RRM2: variants seen among roughly 807,000 people sequenced by gnomAD.
The protein encoded by RRM2 is ribonucleotide reductase regulatory subunit M2, also known as ribonucleoside-diphosphate reductase subunit M2.
A neutral mutation model predicts 45.9 loss-of-function variants in RRM2; 6 were observed. The observed-to-expected ratio is 0.13, with a 90% CI of 0.07 to 0.26. The LOEUF is 0.26. RRM2 is among the 10% of genes least tolerant of loss of function. The pLI, the probability that RRM2 is intolerant of heterozygous loss-of-function variation, is 1.00. For missense variants in RRM2, 343 were observed against 489.5 expected (o/e 0.70, Z 2.82); for synonymous variants, 177 against 173.0 (o/e 1.02, Z -0.18).
chr2:10,131,496 T>TGG (rs1662899639), downstream of RRM2: 1 of 152,216 alleles, frequency 6.6e-6, no homozygotes. Context: ...CCCAGCACTT[T>TGG]GGGAGACCAA....
At chr2:10,162,343 T>C (rs975336173) in intron 3 of RRM2, among the ~76,000 whole-genome samples, 1 of 152,146 alleles carries the variant, frequency 6.6e-6, no homozygotes, top group Admixed American at 6.5e-5. Context: ...TCTCGATGTG[T>C]GTGGGCGTGT....
chr2:10,150,073 G>A (rs1004151578), intron 3 of RRM2, among the ~76,000 whole-genome samples: 3 of 152,178 alleles, frequency 2.0e-5, no homozygotes, highest in African/African-American at 7.2e-5. Context: ...CAGCACTTTT[G>A]GAGGACGAGG....
rs1169754094 is a variant in RRM2 at position 10,142,149 on chromosome 2, G to C, written n.362-106G>C. 7.1e-6 allele frequency: 11 copies of C among 1,559,834 alleles called. No homozygotes were observed. The Admixed American group carries it at 1.2e-4, about 17-fold the overall frequency. On this transcript the variant is annotated intron_variant and non_coding_transcript_variant, in intron 2 of 3. Coordinates refer to the RRM2 transcript ENST00000381786. ...GGCCCTGTGGCAGGCGCGTCTGTGA[G>C]TGGTCAGAGCAGAGTGAGGGGTGGG...
intron 3 of RRM2, among the ~76,000 whole-genome samples, chr2:10,179,959 C>T: frequency 6.6e-6 from 1 of 152,196 alleles, no homozygotes. Context: ...AGCTCTAGAG[C>T]CACCTCCTCG....
At chr2:10,159,827 T>C (rs988879914) in intron 3 of RRM2, among the ~76,000 whole-genome samples, 10 of 152,204 alleles carry the variant, frequency 6.6e-5, no homozygotes, top group African/African-American at 2.4e-4. Context: ...GAAGGAGCCC[T>C]GGGAGCCTGC....
Position 10,129,531 on chromosome 2 carries a change from A to G in RRM2, c.*145A>G. On this transcript the variant is annotated 3_prime_UTR_variant, in exon 10 of 10. Transcript: ENST00000304567. The surrounding 1 kb of genome is among the most constrained non-coding windows in gnomAD (Gnocchi z 4.8). ...CTTTAAAACTGTGTAGCTACCTCAC[A>G]ACCAGTCCTGTCTGTTTATAGTGCT... The G allele has an allele frequency of 3.5e-6, 3 of 845,434 alleles. No homozygotes were observed. The South Asian group carries it at 5.2e-5, about 15-fold the overall frequency. 52.4% of individuals were successfully genotyped at this position (845,434 alleles called of 1,614,324 possible). A position where few individuals can be genotyped will look rare whatever the true frequency, so the allele number is the denominator to read the frequency against.
chr2:10,178,100 G>C (rs1445638943), intron 3 of RRM2, among the ~76,000 whole-genome samples: 1 of 149,408 alleles, frequency 6.7e-6, no homozygotes, highest in Non-Finnish European at 1.5e-5. Flanking sequence ...TTTTTTTTTC[G>C]TATTCGTAGT....
At chr2:10,186,451 G>A (rs554745555) in intron 3 of RRM2, among the ~76,000 whole-genome samples, 17 of 151,702 alleles carry the variant, frequency 1.1e-4, no homozygotes, top group African/African-American at 2.9e-4. Flanking sequence ...CACCGTGCCC[G>A]GCCAGCAGTG....
chr2:10,183,966 G>A (rs549662316), intron 3 of RRM2, among the ~76,000 whole-genome samples: 128 of 151,730 alleles, frequency 8.4e-4, no homozygotes, highest in African/African-American at 2.9e-3. Flanking sequence ...GATGGCAGGC[G>A]CCTGTAGTCC....
intron 7 of RRM2, 101 bp from the exon 8 acceptor site, chr2:10,128,747 A>C (rs1048499464): frequency 3.7e-6 from 3 of 814,200 alleles, no homozygotes; most frequent in Non-Finnish European, 6.2e-6. Context: ...ATGGCTGAGC[A>C]TGTTGGATAA....
chr2:10,181,182 A>G (rs745661393), intron 3 of RRM2, among the ~76,000 whole-genome samples: 1 of 152,218 alleles, frequency 6.6e-6, no homozygotes, highest in Non-Finnish European at 1.5e-5. Flanking sequence ...TTTAATTCTC[A>G]TAATAGCCAG....
chr2:10,123,569 C>T, intron 3 of RRM2, 39 bp downstream of exon 3: 3 of 1,581,160 alleles, frequency 1.9e-6, no homozygotes, highest in East Asian at 2.2e-5. Context: ...CAGGGGTGAC[C>T]GTCACGCCTC....
At chr2:10,199,564 A>G (rs533216777) in intron 3 of RRM2, among the ~76,000 whole-genome samples, 9 of 151,676 alleles carry the variant, frequency 5.9e-5, no homozygotes, top group Admixed American at 3.9e-4. Context: ...GGCGGATCAC[A>G]AGGTCAGGAG....
In RRM2 at chr2:10,161,444, C is replaced by T. The variant is rs540346807; in HGVS notation, n.482+19069C>T. Among the ~76,000 whole-genome samples, 46 of 152,316 alleles carry T rather than the reference C, an allele frequency of 3.0e-4. No individual in the cohort carries two copies. The South Asian group carries it at 6.4e-3, about 21-fold the overall frequency. On this transcript the variant is annotated intron_variant and non_coding_transcript_variant, in intron 3 of 3. Coordinates refer to the RRM2 transcript ENST00000381786. ...GATGTGTGTGTCATGACCTCCACCA[C>T]CCGCGTGCACGAGGGGCACAGCCTC...
intron 3 of RRM2, among the ~76,000 whole-genome samples, chr2:10,209,197 A>G (rs143270555): frequency 1.3e-5 from 2 of 151,606 alleles, no homozygotes; most frequent in African/African-American, 4.8e-5. Context: ...AGCTGGGATT[A>G]TAGACATGCA....
At chr2:10,147,560 G>A (rs1663214895) in intron 3 of RRM2, among the ~76,000 whole-genome samples, 2 of 152,106 alleles carry the variant, frequency 1.3e-5, no homozygotes, top group African/African-American at 2.4e-5. Context: ...CACCACGCCC[G>A]GCTAGAGATA....
At position 10,127,461 on chromosome 2, in the gene RRM2, G is replaced by C; in HGVS notation, c.798+241G>C. The C allele has an allele frequency of 2.5e-6, 1 of 401,896 alleles. No individual in the cohort carries two copies. The highest frequency in any genetic ancestry group is 2.0e-5 in the African/African-American group (1 of 49,048). The allele number at this position is 401,896 out of a possible 1,614,324, so 24.9% of individuals were successfully genotyped here. ...ATGTATTCCCCTATAGGCTTTGAAT[G>C]CATAAAACTACAAGTTCTTTGTTTT... On this transcript the variant is annotated intron_variant, in intron 7 of 9. Coordinates refer to ENST00000304567, the MANE Select transcript of RRM2 (RefSeq NM_001034.4). This position sits in a 1 kb window ranked among gnomAD's most constrained non-coding sequence, Gnocchi z 4.1.
chr2:10,204,153 G>A lies in RRM2; in HGVS notation n.483-6158G>A, dbSNP rs1362149604. Among the ~76,000 whole-genome samples the A allele has an allele frequency of 6.6e-6, 1 of 151,984 alleles. No homozygotes were observed. Among genetic ancestry groups the A allele is most frequent in the Non-Finnish European group, 1.5e-5 (1 of 68,028 alleles). On this transcript the variant is annotated intron_variant and non_coding_transcript_variant, in intron 3 of 3. Transcript: ENST00000381786. The surrounding 1 kb of genome is among the most constrained non-coding windows in gnomAD (Gnocchi z 4.0). Reference sequence around the variant, plus strand: ...CTACCATCATTGGGACAGAGCCCCTGTGCTTGAGACAAGCAGAAGATAGAC... The same window carrying A: ...CTACCATCATTGGGACAGAGCCCCTATGCTTGAGACAAGCAGAAGATAGAC...
downstream of RRM2, among the ~76,000 whole-genome samples, chr2:10,133,969 A>G (rs1413400559): frequency 2.0e-5 from 3 of 152,004 alleles, no homozygotes; most frequent in Middle Eastern, 3.2e-3. Context: ...ACCTGAGGTC[A>G]GGAGTTTGAG....
Sources: allele counts gnomAD v4.1 joint callset (sites outside exome capture counted in the v4.1 genomes callset), GRCh38; gene constraint gnomAD v4.1.1; non-coding constraint Gnocchi (gnomAD v3.1); transcripts MANE v1.5; gene names NCBI Gene and HGNC (gene_info 2026-07-23, HGNC 2026-07-21).